CLIC6: variants seen among roughly 807,000 people sequenced by gnomAD.
CLIC6 encodes the protein chloride intracellular channel protein 6.
Under a neutral mutation model 49.2 loss-of-function variants are expected in CLIC6, and 39 were observed. That is an observed-to-expected ratio of 0.79 (90% CI 0.61 to 1.04). The LOEUF is 1.04. CLIC6 is among the 50% of genes least tolerant of loss of function. The probability of loss-of-function intolerance (pLI) is 0.00; values close to 1 mark genes in which losing one functional copy is unlikely to be tolerated. For synonymous variants in CLIC6, 446 were observed against 433.4 expected (o/e 1.03, Z -0.36); for missense variants, 988 against 993.1 (o/e 0.99, Z 0.07).
chr21:34,701,103 C>A (rs1391403725), intron 1 of CLIC6, among the ~76,000 whole-genome samples: 1 of 141,474 alleles, frequency 7.1e-6, no homozygotes, highest in Non-Finnish European at 1.5e-5. Context: ...GAGATCGAGA[C>A]CATCCTGGCT....
chr21:34,675,628 T>A (rs531866482), intron 1 of CLIC6, among the ~76,000 whole-genome samples: 1 of 152,214 alleles, frequency 6.6e-6, no homozygotes, highest in East Asian at 1.9e-4. Context: ...GAGCATGATG[T>A]TTTGCGTAAC....
At position 34,707,268 on chromosome 21, in the gene CLIC6, C is replaced by T; in HGVS notation, c.1375-12C>T. The T allele has an allele frequency of 1.3e-6, 2 of 1,597,168 alleles. No individual in the cohort carries two copies. The highest frequency in any genetic ancestry group is 1.1e-5 in the South Asian group (1 of 90,744). On this transcript the variant is annotated splice_polypyrimidine_tract_variant and intron_variant, in intron 1 of 5. Coordinates refer to ENST00000349499, the MANE Select transcript of CLIC6 (RefSeq NM_053277.3). ...GACTGGCTCAGATAGAAATCTCCTT[C>T]TCCACTTGTAGGCTGGTTATGATGG... is the stretch of plus-strand genomic sequence containing the variant.
rs1423339829 is a variant in CLIC6 at position 34,707,270 on chromosome 21, C to T, written c.1375-10C>T. On this transcript the variant is annotated splice_polypyrimidine_tract_variant and intron_variant, in intron 1 of 5. Transcript: ENST00000349499. ...CTGGCTCAGATAGAAATCTCCTTCT[C>T]CACTTGTAGGCTGGTTATGATGGTG... 1.2e-6 allele frequency: 2 copies of T among 1,601,292 alleles called. No individual in the cohort carries two copies. The highest frequency in any genetic ancestry group is 4.5e-5 in the East Asian group (2 of 44,822).
At position 34,669,926 on chromosome 21, in the gene CLIC6, G is replaced by T. The variant is rs201318042; in HGVS notation, c.538G>T (p.Val180Leu). ...IEAEGPAGDS[V>L]EAEGRVGDSV... ...AGCGGAGGGCCCGGCGGGCGACAGCGTAGAGGCGGAGGGCCGGGTGGGGGA... is the reference window on the plus strand; with the variant it reads ...AGCGGAGGGCCCGGCGGGCGACAGCTTAGAGGCGGAGGGCCGGGTGGGGGA... Residue 180 changes from valine (V) to leucine (L), a missense_variant, in exon 1 of 6, where the codon GTA (valine) becomes TTA (leucine). Around this residue, in one of 3 missense-constraint regions of CLIC6, gnomAD observed 284 missense variants for 278.6 expected, o/e 1.02. Transcript: ENST00000349499. 1.5e-3 allele frequency: 1,947 copies of T among 1,313,850 alleles called. 33 individuals carry two copies. The African/African-American group carries it at 0.028, about 19-fold the overall frequency. 81.4% of individuals were successfully genotyped at this position (1,313,850 alleles called of 1,614,324 possible).
intron 5 of CLIC6, among the ~76,000 whole-genome samples, chr21:34,713,545 T>C (rs778860462): frequency 2.0e-5 from 3 of 152,192 alleles, no homozygotes; most frequent in African/African-American, 4.8e-5. Context: ...GTAGCCGTGC[T>C]GTCAGTGATT....
intron 1 of CLIC6, among the ~76,000 whole-genome samples, chr21:34,673,188 C>G (rs1989599148): frequency 2.0e-5 from 3 of 152,116 alleles, no homozygotes; most frequent in African/African-American, 7.2e-5. Flanking sequence ...AGCAGCTTAC[C>G]CACAATGCTT....
rs141639330 is a variant in CLIC6, at chr21:34,683,053, C to T, written c.1374+12291C>T. 3.4e-3 allele frequency among the ~76,000 whole-genome samples: 514 copies of T among 151,908 alleles called. 1 individual carries two copies. The highest frequency in any genetic ancestry group is 0.012 in the African/African-American group (477 of 41,420). Reference sequence around the variant, plus strand: ...GTCTCGATCTCCTGACCTCGTGATCCGCCCGTCTCGGCCTCCCAAAGTGCT... The same window carrying T: ...GTCTCGATCTCCTGACCTCGTGATCTGCCCGTCTCGGCCTCCCAAAGTGCT... On this transcript the variant is annotated intron_variant, in intron 1 of 5. Transcript: ENST00000349499.
At position 34,707,274 on chromosome 21, in the gene CLIC6, T is replaced by A. The variant is rs373854435; in HGVS notation, c.1375-6T>A. 6.2e-7 allele frequency: 1 copy of A among 1,608,002 alleles called. No individual in the cohort carries two copies. The highest frequency in any genetic ancestry group is 8.5e-7 in the Non-Finnish European group (1 of 1,174,380). On this transcript the variant is annotated splice_polypyrimidine_tract_variant and splice_region_variant and intron_variant, in intron 1 of 5. Transcript: ENST00000349499. ...CTCAGATAGAAATCTCCTTCTCCAC[T>A]TGTAGGCTGGTTATGATGGTGAGAG...
chr21:34,685,470 G>T (rs544783578), intron 1 of CLIC6, among the ~76,000 whole-genome samples: 1 of 152,228 alleles, frequency 6.6e-6, no homozygotes, highest in East Asian at 1.9e-4. Context: ...CACTTTTTTG[G>T]TGCCTTTGGT....
At chr21:34,679,044 G>T (rs1377633760) in intron 1 of CLIC6, among the ~76,000 whole-genome samples, 1 of 152,158 alleles carries the variant, frequency 6.6e-6, no homozygotes, top group Non-Finnish European at 1.5e-5. Flanking sequence ...GTTTTCCAGG[G>T]TCAGGAATTT....
intron 1 of CLIC6, among the ~76,000 whole-genome samples, chr21:34,692,995 TC>T (rs1310469985): frequency 6.6e-6 from 1 of 152,214 alleles, no homozygotes; most frequent in Non-Finnish European, 1.5e-5. Context: ...CACCCCTTGT[TC>T]TTTAATGAGA....
Position 34,669,607 on chromosome 21 carries a change from G to T in CLIC6, c.219G>T (p.Ala73=). The change falls in exon 1 of 6, where the codon GCG becomes GCT. Residue 73 remains alanine (A), a synonymous_variant. Coordinates refer to ENST00000349499, the MANE Select transcript of CLIC6 (RefSeq NM_053277.3). The stretch of plus-strand genomic sequence containing the variant: ...CAGACAGGGGCCCGGAGGCCGAGGC[G>T]CGGGGCACGAGGGGGGCGCACGGCG... The part of the protein sequence containing the change: ...GGPDRGPEAE[A]RGTRGAHGET... 7.9e-7 allele frequency: 1 copy of T among 1,268,610 alleles called. No individual in the cohort carries two copies. The highest frequency in any genetic ancestry group is 3.0e-5 in the South Asian group (1 of 33,478). The allele number at this position is 1,268,610 out of a possible 1,614,324, so 78.6% of individuals were successfully genotyped here. A position where few individuals can be genotyped will look rare whatever the true frequency, so the allele number is the denominator to read the frequency against.
At chr21:34,684,999 T>C (rs1442770034) in intron 1 of CLIC6, among the ~76,000 whole-genome samples, 2 of 152,182 alleles carry the variant, frequency 1.3e-5, no homozygotes, top group Admixed American at 6.5e-5. Context: ...TCCATAAACC[T>C]AGATTTTGCC....
At chr21:34,712,525 C>T (rs891040723) in intron 5 of CLIC6, among the ~76,000 whole-genome samples, 3 of 152,118 alleles carry the variant, frequency 2.0e-5, no homozygotes, top group African/African-American at 4.8e-5. Flanking sequence ...AGGCCTAGAG[C>T]ATGAGATGGG....
At chr21:34,713,991 A>G (rs1408644636) in intron 5 of CLIC6, among the ~76,000 whole-genome samples, 1 of 152,236 alleles carries the variant, frequency 6.6e-6, no homozygotes, top group Non-Finnish European at 1.5e-5. Flanking sequence ...AAATCAGAAA[A>G]TTGTGGTTTA....
intron 3 of CLIC6, 80 bp from the exon 4 acceptor site, chr21:34,708,620 A>G (rs1291722709): frequency 1.1e-6 from 1 of 937,698 alleles, no homozygotes; most frequent in Admixed American, 2.2e-5. Context: ...GCCCAGAGAA[A>G]GCTGTTTTTC....
intron 1 of CLIC6, among the ~76,000 whole-genome samples, chr21:34,685,077 A>G (rs527716545): frequency 5.9e-5 from 9 of 152,020 alleles, no homozygotes; most frequent in Non-Finnish European, 1.2e-4. Context: ...GCCTGGACCC[A>G]TTGTTCTCAA....
Position 34,692,727 on chromosome 21 carries a change from C to T in CLIC6, c.1375-14553C>T, listed in dbSNP as rs1331342099. 2.6e-5 allele frequency among the ~76,000 whole-genome samples: 4 copies of T among 152,148 alleles called. No individual in the cohort carries two copies. The East Asian group carries it at 7.7e-4, about 29-fold the overall frequency. ...GACTTTTTTCATTGTTAATAGATTG[C>T]TCTAGGCCTTTGGCCTCTTTAAAAC... On this transcript the variant is annotated intron_variant, in intron 1 of 5. Coordinates refer to ENST00000349499, the MANE Select transcript of CLIC6 (RefSeq NM_053277.3).
rs1157973356 is a variant in CLIC6 at position 34,716,377 on chromosome 21, G to A, written c.1956G>A (p.Trp652Ter). 1 of 1,613,770 alleles carries A rather than the reference G, an allele frequency of 6.2e-7. No homozygotes were observed. The highest frequency in any genetic ancestry group is 8.5e-7 in the Non-Finnish European group (1 of 1,179,798). ...FEFPSEMTGI[W>*]RYLNNAYARD... ...TTCCTTCTGAAATGACTGGCATCTGGAGATACTTGAATAATGCTTATGCTA... is the reference window on the plus strand; with the variant it reads ...TTCCTTCTGAAATGACTGGCATCTGAAGATACTTGAATAATGCTTATGCTA... The change falls in exon 6 of 6, where the codon TGG becomes TGA. Residue 652 changes from tryptophan to a stop codon, truncating the protein, a stop_gained. Transcript: ENST00000349499. LOFTEE classifies it high-confidence loss of function.
Sources: gnomAD v4.1 joint callset for allele counts (sites outside exome capture counted in the v4.1 genomes callset) on GRCh38, gnomAD v4.1.1 for gene constraint, gnomAD v4.1.1 regional missense constraint, MANE v1.5 for transcripts, NCBI Gene and HGNC (gene_info 2026-07-23, HGNC 2026-07-21) for gene names.